Variants in ANGPT1 observed in about 807,000 individuals in gnomAD.
ANGPT1 encodes angiopoietin-1.
Under a neutral mutation model 62.2 loss-of-function variants are expected in ANGPT1, and 17 were observed. The ratio of observed to expected loss-of-function variants is 0.27; its 90% confidence interval spans 0.19 to 0.41. The LOEUF (loss-of-function observed/expected upper bound fraction) is 0.41, where lower values mean the gene tolerates loss of function less well. Among genes scored for constraint, ANGPT1 ranks in the 10% least tolerant of loss-of-function variants. ANGPT1 has a pLI of 1.00. For missense variants in ANGPT1, 478 were observed against 594.9 expected (o/e 0.80, Z 2.04); for synonymous variants, 199 against 198.9 (o/e 1.00, Z 0.00).
chr8:107,287,078 C>T (rs1211227074), intron 6 of ANGPT1, among the ~76,000 whole-genome samples: 1 of 152,132 alleles, frequency 6.6e-6, no homozygotes. Flanking sequence ...TCCCTCTTGC[C>T]ACTTGATGAT....
chr8:107,264,205 G>A lies in ANGPT1; in HGVS notation c.1336+16C>T. On this transcript the variant is annotated intron_variant, in intron 8 of 8. Transcript: ENST00000517746. Reference sequence around the variant, plus strand: ...CCAATGAAACATAGCTTAGAGAATGGCCCCATAGGACTTACCTCCTGTTAA... The same window carrying A: ...CCAATGAAACATAGCTTAGAGAATGACCCCATAGGACTTACCTCCTGTTAA... The A allele has an allele frequency of 6.2e-7, 1 of 1,607,252 alleles. No individual in the cohort carries two copies. The highest frequency in any genetic ancestry group is 8.5e-7 in the Non-Finnish European group (1 of 1,177,068).
At chr8:107,333,404 G>A (rs1266082249) in intron 3 of ANGPT1, among the ~76,000 whole-genome samples, 3 of 152,272 alleles carry the variant, frequency 2.0e-5, no homozygotes, top group Admixed American at 2.0e-4. Context: ...AGTGTAAGAT[G>A]CATGCAGGTT....
At chr8:107,451,298 A>C (rs1174046752) in intron 1 of ANGPT1, among the ~76,000 whole-genome samples, 2 of 133,396 alleles carry the variant, frequency 1.5e-5, no homozygotes, top group African/African-American at 2.9e-5. Flanking sequence ...ACACTTATAC[A>C]CTAATACATA....
At chr8:107,451,535 T>C (rs1811778841) in intron 1 of ANGPT1, among the ~76,000 whole-genome samples, 1 of 152,002 alleles carries the variant, frequency 6.6e-6, no homozygotes, top group Non-Finnish European at 1.5e-5. Flanking sequence ...GAATCAGATC[T>C]ATATCCATAT....
At chr8:107,278,440 T>C (rs531392761) in intron 7 of ANGPT1, among the ~76,000 whole-genome samples, 7 of 152,324 alleles carry the variant, frequency 4.6e-5, no homozygotes, top group African/African-American at 7.2e-5. Context: ...AAGGTATATA[T>C]GTACACTCTT....
intron 1 of ANGPT1, among the ~76,000 whole-genome samples, chr8:107,481,037 G>A (rs1256974961): frequency 1.3e-5 from 2 of 152,184 alleles, no homozygotes; most frequent in African/African-American, 4.8e-5. Flanking sequence ...TTATGAGAGT[G>A]TTTTGAGAAA....
rs189725506 is a variant in ANGPT1 at position 107,352,967 on chromosome 8, A to T, written c.298-5870T>A. 7.2e-3 allele frequency among the ~76,000 whole-genome samples: 1,089 copies of T among 151,196 alleles called. 13 individuals carry two copies. Among genetic ancestry groups the T allele is most frequent in the African/African-American group, 0.025 (1,021 of 41,268 alleles). On this transcript the variant is annotated intron_variant, in intron 1 of 8. Coordinates refer to ENST00000517746, the MANE Select transcript of ANGPT1 (RefSeq NM_001146.5). ...CTATATCTAGGTTTATGGCCTTATT[A>T]AAAAAAAAGACAGCTGAAGCCAAAT...
chr8:107,368,292 T>G (rs937899077), intron 1 of ANGPT1, among the ~76,000 whole-genome samples: 1 of 151,820 alleles, frequency 6.6e-6, no homozygotes, highest in Non-Finnish European at 1.5e-5. Flanking sequence ...TCTTTTTGTT[T>G]GAGCAGTAAG....
Position 107,362,785 on chromosome 8 carries a change from T to A in ANGPT1, c.298-15688A>T, listed in dbSNP as rs1281140315. ...ATTTGCTTTTTCATAATTCTCACCA[T>A]TTTTTTTCTGTAAAAAAGGAAGAGT... On this transcript the variant is annotated intron_variant, in intron 1 of 8. Coordinates refer to ENST00000517746, the MANE Select transcript of ANGPT1 (RefSeq NM_001146.5). 4.0e-5 allele frequency among the ~76,000 whole-genome samples: 6 copies of A among 151,894 alleles called. No homozygotes were observed. The East Asian group carries it at 9.7e-4, about 24-fold the overall frequency.
intron 1 of ANGPT1, among the ~76,000 whole-genome samples, chr8:107,355,372 C>T (rs897641095): frequency 6.6e-6 from 1 of 152,154 alleles, no homozygotes; most frequent in Non-Finnish European, 1.5e-5. Context: ...CTTGCCTCCT[C>T]CAATCCATCA....
intron 4 of ANGPT1, among the ~76,000 whole-genome samples, chr8:107,313,433 T>TTTTG (rs1814927510): frequency 1.2e-5 from 1 of 85,374 alleles, no homozygotes; most frequent in African/African-American, 5.7e-5. Flanking sequence ...CTAGTTGTTT[T>TTTTG]TTTTTTTTTT....
chr8:107,470,543 A>G (rs1439852321), intron 1 of ANGPT1, among the ~76,000 whole-genome samples: 1 of 152,114 alleles, frequency 6.6e-6, no homozygotes, highest in Non-Finnish European at 1.5e-5. Flanking sequence ...CCTTTGTCAG[A>G]TGGATAGATT....
intron 1 of ANGPT1, among the ~76,000 whole-genome samples, chr8:107,492,757 G>A (rs986621297): frequency 6.6e-6 from 1 of 150,392 alleles, no homozygotes; most frequent in Non-Finnish European, 1.5e-5. Flanking sequence ...ATACCAGTGA[G>A]AATTAAGTTC....
At chr8:107,365,785 T>C (rs1353821427) in intron 1 of ANGPT1, among the ~76,000 whole-genome samples, 3 of 151,954 alleles carry the variant, frequency 2.0e-5, no homozygotes, top group Non-Finnish European at 4.4e-5. Context: ...GTTAAAGTAG[T>C]GGTTTTCTCA....
chr8:107,391,284 G>A (rs566141374), intron 1 of ANGPT1, among the ~76,000 whole-genome samples: 3 of 152,112 alleles, frequency 2.0e-5, no homozygotes, highest in African/African-American at 7.2e-5. Context: ...TTTTGTCTCC[G>A]GCCCCAGGCC....
At chr8:107,351,972 C>T (rs1273781315) in intron 1 of ANGPT1, among the ~76,000 whole-genome samples, 1 of 152,078 alleles carries the variant, frequency 6.6e-6, no homozygotes, top group Non-Finnish European at 1.5e-5. Context: ...TTCCTTATTT[C>T]ACTGATGTCT....
At chr8:107,347,220 T>C in intron 1 of ANGPT1, 123 bp from the exon 2 acceptor site, 1 of 956,138 alleles carries the variant, frequency 1.0e-6, no homozygotes, top group South Asian at 1.9e-5. Context: ...GGGGATCCTC[T>C]ACATCTCTGG....
chr8:107,474,846 A>G (rs1410247442), intron 1 of ANGPT1, among the ~76,000 whole-genome samples: 1 of 152,202 alleles, frequency 6.6e-6, no homozygotes, highest in Non-Finnish European at 1.5e-5. Context: ...TGCTTCAAAG[A>G]GAATAAAATA....
At chr8:107,478,334 A>G (rs1182919857) in intron 1 of ANGPT1, among the ~76,000 whole-genome samples, 1 of 151,668 alleles carries the variant, frequency 6.6e-6, no homozygotes, top group Non-Finnish European at 1.5e-5. Context: ...AGATCACCTG[A>G]GGTCAGGAGC....
Sources: allele counts gnomAD v4.1 joint callset (sites outside exome capture counted in the v4.1 genomes callset), GRCh38; gene constraint gnomAD v4.1.1; transcripts MANE v1.5; gene names NCBI Gene and HGNC (gene_info 2026-07-23, HGNC 2026-07-21).